BBOX1: variants seen among roughly 807,000 people sequenced by gnomAD.
BBOX1 encodes the protein gamma-butyrobetaine hydroxylase 1.
In BBOX1, 35 loss-of-function variants were observed where a neutral mutation model predicts 41.6. The ratio of observed to expected loss-of-function variants is 0.84; its 90% CI spans 0.64 to 1.11. BBOX1 has a LOEUF of 1.11. BBOX1 is among the 50% of genes most tolerant of loss of function. The pLI is 0.00. For synonymous variants in BBOX1, 163 were observed against 154.7 expected, an observed-to-expected ratio of 1.05 and a Z score of -0.40; for missense variants, 458 against 460.6, an observed-to-expected ratio of 0.99 and a Z score of 0.05.
intron 4 of BBOX1, among the ~76,000 whole-genome samples, chr11:27,079,784 C>A (rs558541107): frequency 2.6e-5 from 4 of 152,110 alleles, no homozygotes; most frequent in Non-Finnish European, 5.9e-5. Flanking sequence ...TTCTGCTCCA[C>A]ATACAGCATT....
Position 27,119,727 on chromosome 11 carries a change from A to T in BBOX1, c.718A>T (p.Lys240Ter). The T allele has an allele frequency of 6.2e-7, 1 of 1,605,184 alleles. No homozygotes were observed. ...EIVDGFNVCQ[K>*]LKKNNPQAFQ... is the part of the protein sequence containing the mutation. ...TGTAGATGGGTTTAATGTGTGCCAA[A>T]AACTAAAGAAAAATAATCCTCAGGC... Residue 240 changes from lysine (K) to a stop codon, truncating the protein, a stop_gained, in exon 7 of 9, where the codon AAA becomes TAA. Transcript: ENST00000263182. LOFTEE classifies it high-confidence loss of function.
intron 4 of BBOX1, among the ~76,000 whole-genome samples, chr11:27,058,172 A>G (rs1857040252): frequency 6.6e-6 from 1 of 152,024 alleles, no homozygotes; most frequent in Non-Finnish European, 1.5e-5. Context: ...GTGTAGCACT[A>G]CCCTCTCTCT....
chr11:27,073,778 T>C (rs1290446016), intron 4 of BBOX1, among the ~76,000 whole-genome samples: 2 of 152,130 alleles, frequency 1.3e-5, no homozygotes, highest in East Asian at 3.9e-4. Context: ...TGGATGCAGC[T>C]GGAAACCATC....
intron 2 of BBOX1, among the ~76,000 whole-genome samples, chr11:27,042,147 C>A (rs978414732): frequency 1.3e-4 from 20 of 152,116 alleles, no homozygotes; most frequent in African/African-American, 4.6e-4. Flanking sequence ...AAAATCTAAA[C>A]CCAGTACTTT....
intron 4 of BBOX1, among the ~76,000 whole-genome samples, chr11:27,071,483 G>T (rs1346159982): frequency 6.6e-6 from 1 of 151,878 alleles, no homozygotes; most frequent in East Asian, 1.9e-4. Context: ...ATGTCAAATT[G>T]TAATCCACAC....
chr11:27,069,899 T>G (rs1464360856), intron 4 of BBOX1, among the ~76,000 whole-genome samples: 1 of 152,136 alleles, frequency 6.6e-6, no homozygotes, highest in Non-Finnish European at 1.5e-5. Context: ...ACTTTTGTTT[T>G]TAATTCTGTT....
chr11:27,056,930 G>A (rs931166414), intron 3 of BBOX1, among the ~76,000 whole-genome samples: 5 of 151,472 alleles, frequency 3.3e-5, no homozygotes, highest in African/African-American at 2.4e-5. Context: ...GCCAGGCGTG[G>A]TGTCGCGTGC....
At chr11:27,047,028 C>A (rs1024368098) in intron 2 of BBOX1, among the ~76,000 whole-genome samples, 3 of 151,856 alleles carry the variant, frequency 2.0e-5, no homozygotes, top group African/African-American at 7.3e-5. Context: ...TTTTGATTAC[C>A]TTTCACGTTT....
intron 4 of BBOX1, among the ~76,000 whole-genome samples, chr11:27,068,535 T>A (rs562193792): frequency 6.7e-6 from 1 of 150,160 alleles, no homozygotes; most frequent in African/African-American, 2.5e-5. Flanking sequence ...ACTCTGGTAA[T>A]TTTTTTTTCT....
At chr11:27,064,906 G>GA (rs140743479) in intron 4 of BBOX1, among the ~76,000 whole-genome samples, 115 of 146,714 alleles carry the variant, frequency 7.8e-4, no homozygotes, top group Non-Finnish European at 1.1e-3. Flanking sequence ...TGTCAGACAT[G>GA]AAAAAAAAAA....
chr11:27,063,891 A>G (rs551597469), intron 4 of BBOX1, among the ~76,000 whole-genome samples: 129 of 152,340 alleles, frequency 8.5e-4, no homozygotes, highest in Non-Finnish European at 1.5e-3. Context: ...CCTTTCTTGC[A>G]GAGAACCATA....
chr11:27,055,349 G>C, intron 2 of BBOX1, 44 bp from the exon 3 acceptor site: 1 of 1,414,854 alleles, frequency 7.1e-7, no homozygotes, highest in Non-Finnish European at 9.8e-7. Context: ...GCCAAGTTTA[G>C]ATCTTATCTG....
chr11:27,068,357 C>G (rs1419369536), intron 4 of BBOX1, among the ~76,000 whole-genome samples: 1 of 152,032 alleles, frequency 6.6e-6, no homozygotes, highest in Non-Finnish European at 1.5e-5. Context: ...GTTTGTTGGC[C>G]ATTTGTACAT....
chr11:27,041,822 G>A (rs1007084679), intron 2 of BBOX1, among the ~76,000 whole-genome samples: 1 of 152,110 alleles, frequency 6.6e-6, no homozygotes, highest in Non-Finnish European at 1.5e-5. Flanking sequence ...CAGAGAGAAC[G>A]CTGTCTAAAA....
chr11:27,055,397 T>C lies in BBOX1; in HGVS notation c.-34T>C. 1.3e-6 allele frequency: 2 copies of C among 1,597,176 alleles called. No homozygotes were observed. The highest frequency in any genetic ancestry group is 1.7e-6 in the Non-Finnish European group (2 of 1,166,806). On this transcript the variant is annotated 5_prime_UTR_variant, in exon 3 of 9. Transcript: ENST00000263182. Reference sequence around the variant, plus strand: ...TTTAACACTGATTTGTCATAGCAGGTAGCTGACAGCATCTACTCCTGAAGA... The same window carrying C: ...TTTAACACTGATTTGTCATAGCAGGCAGCTGACAGCATCTACTCCTGAAGA...
chr11:27,069,172 T>C (rs58021263), intron 4 of BBOX1, among the ~76,000 whole-genome samples: 49,313 of 151,884 alleles, frequency 0.32, 8,160 homozygotes, highest in East Asian at 0.45. Context: ...CTTTGGGCAA[T>C]GTGGTCATTC....
At chr11:27,106,094 C>T (rs1052102468) in intron 5 of BBOX1, among the ~76,000 whole-genome samples, 9 of 152,078 alleles carry the variant, frequency 5.9e-5, no homozygotes, top group Non-Finnish European at 1.3e-4. Flanking sequence ...GAAGGAAGCA[C>T]TAAACATGGA....
rs375963675 is a variant in BBOX1 at position 27,127,210 on chromosome 11, C to G, written c.1004-83C>G. The G allele has an allele frequency of 1.2e-3, 1,646 of 1,386,684 alleles. 34 individuals are homozygous for G. In the South Asian group the frequency reaches 0.019, roughly 16 times the overall value. 85.9% of individuals were successfully genotyped at this position (1,386,684 alleles called of 1,614,324 possible). On this transcript the variant is annotated intron_variant, in intron 8 of 8. Transcript: ENST00000263182. ...ATTCTTGATGTGAACCAAGCAGCAG[C>G]TGTGTTTTGCATGTTACATTTTCTA...
chr11:27,123,458 G>A (rs3781677), intron 7 of BBOX1, among the ~76,000 whole-genome samples: 16,691 of 152,034 alleles, frequency 0.11, 1,225 homozygotes, highest in East Asian at 0.28. Context: ...GATCTTGAGG[G>A]TGACTGAAAC....
Sources: gnomAD v4.1 joint callset for allele counts (sites outside exome capture counted in the v4.1 genomes callset) on GRCh38, gnomAD v4.1.1 for gene constraint, MANE v1.5 for transcripts, NCBI Gene and HGNC (gene_info 2026-07-23, HGNC 2026-07-21) for gene names.